The following DLG2 variants were observed in gnomAD, a reference collection of about 807,000 sequenced individuals.
DLG2 encodes disks large homolog 2.
A neutral mutation model predicts 132.5 loss-of-function variants in DLG2; 45 were observed. That is an observed-to-expected ratio of 0.34 (90% CI 0.27 to 0.44). The LOEUF (loss-of-function observed/expected upper bound fraction) is 0.44. DLG2 is among the 20% of genes least tolerant of loss of function. DLG2 has a pLI of 1.00. For missense variants in DLG2, 1,045 were observed against 1,196.9 expected (o/e 0.87, Z 1.87); for synonymous variants, 424 against 419.6 (o/e 1.01, Z -0.13).
intron 16 of DLG2, among the ~76,000 whole-genome samples, chr11:83,851,849 G>T (rs2059833232): frequency 6.6e-6 from 1 of 151,992 alleles, no homozygotes; most frequent in South Asian, 2.1e-4. Context: ...AACCCAGGAG[G>T]CGGAGATTGC....
chr11:85,606,795 C>T (rs1398909997), intron 2 of DLG2, among the ~76,000 whole-genome samples: 5 of 152,002 alleles, frequency 3.3e-5, no homozygotes, highest in Non-Finnish European at 4.4e-5. Context: ...GAATAAATAA[C>T]TCCAGACGCG....
intron 4 of DLG2, among the ~76,000 whole-genome samples, chr11:85,265,381 G>A (rs1303557731): frequency 6.6e-6 from 1 of 152,098 alleles, no homozygotes; most frequent in African/African-American, 2.4e-5. Context: ...TTATATTTAT[G>A]TACAGGCTAA....
At chr11:84,870,325 G>A (rs1009440462) in intron 6 of DLG2, among the ~76,000 whole-genome samples, 2 of 152,060 alleles carry the variant, frequency 1.3e-5, no homozygotes, top group African/African-American at 2.4e-5. Context: ...AGATGTCAGA[G>A]GTTAAATTGA....
chr11:83,794,436 G>GT (rs1566986420), intron 17 of DLG2, among the ~76,000 whole-genome samples: 4 of 90,012 alleles, frequency 4.4e-5, no homozygotes, highest in African/African-American at 2.0e-4. Flanking sequence ...ATTTACTATT[G>GT]GTTTTTTTTT....
intron 6 of DLG2, among the ~76,000 whole-genome samples, chr11:84,862,375 G>A (rs1366313879): frequency 1.3e-5 from 2 of 152,186 alleles, no homozygotes; most frequent in African/African-American, 4.8e-5. Flanking sequence ...GTTGGTGGGA[G>A]TGTAAATTAG....
At chr11:84,784,610 T>C (rs2153924365) in intron 6 of DLG2, among the ~76,000 whole-genome samples, 1 of 152,012 alleles carries the variant, frequency 6.6e-6, no homozygotes, top group Admixed American at 6.6e-5. Flanking sequence ...CTGTAAATAT[T>C]TTAAGAAGAT....
At chr11:84,519,944 G>A (rs1341318704) in intron 7 of DLG2, among the ~76,000 whole-genome samples, 2 of 152,050 alleles carry the variant, frequency 1.3e-5, no homozygotes, top group East Asian at 1.9e-4. Context: ...TTTTATCTAG[G>A]GAAAGGGGTC....
chr11:84,122,716 C>T (rs2093985827), intron 9 of DLG2, among the ~76,000 whole-genome samples: 1 of 152,102 alleles, frequency 6.6e-6, no homozygotes, highest in Admixed American at 6.6e-5. Context: ...GAATGTATTG[C>T]TTAAAATGAG....
intron 3 of DLG2, among the ~76,000 whole-genome samples, chr11:85,525,963 C>T (rs1027077324): frequency 1.3e-5 from 2 of 152,156 alleles, no homozygotes; most frequent in Non-Finnish European, 2.9e-5. Flanking sequence ...CTATCTGAAG[C>T]TGTGAAAAGA....
At chr11:85,182,391 A>T (rs1273067795) in intron 4 of DLG2, among the ~76,000 whole-genome samples, 1 of 151,962 alleles carries the variant, frequency 6.6e-6, no homozygotes, top group Non-Finnish European at 1.5e-5. Flanking sequence ...TGAAATAAGA[A>T]TTATATTCTT....
chr11:85,597,692 A>AT (rs1055219900), intron 3 of DLG2, among the ~76,000 whole-genome samples: 1 of 151,738 alleles, frequency 6.6e-6, no homozygotes, highest in Admixed American at 6.6e-5. Flanking sequence ...ACAGATATTT[A>AT]TAATGAAAAC....
chr11:83,903,101 G>C (rs1221753873), intron 15 of DLG2, among the ~76,000 whole-genome samples: 1 of 152,070 alleles, frequency 6.6e-6, no homozygotes, highest in Non-Finnish European at 1.5e-5. Context: ...TAATACAGAA[G>C]ATGCTCAATA....
At position 85,008,847 on chromosome 11, in the gene DLG2, C is replaced by T. The variant is rs995670186; in HGVS notation, c.357+102814G>A. 6.6e-5 allele frequency among the ~76,000 whole-genome samples: 10 copies of T among 151,802 alleles called. 1 individual carries two copies. Among genetic ancestry groups the T allele is most frequent in the Admixed American group, 6.6e-5 (1 of 15,230 alleles). On this transcript the variant is annotated intron_variant, in intron 6 of 27. Transcript: ENST00000376104. ...AGAACATTTCATATACTGATTGATG[C>T]TATAATGAAATATAAAAAGAAAATA...
At chr11:84,661,282 G>C (rs2099694192) in intron 6 of DLG2, among the ~76,000 whole-genome samples, 1 of 152,068 alleles carries the variant, frequency 6.6e-6, no homozygotes, top group African/African-American at 2.4e-5. Context: ...TAAAAATGAA[G>C]GCTGAAAGCA....
intron 3 of DLG2, among the ~76,000 whole-genome samples, chr11:85,334,731 G>T (rs1407081233): frequency 2.0e-5 from 3 of 151,984 alleles, no homozygotes; most frequent in African/African-American, 7.2e-5. Context: ...TAATTGTATT[G>T]TTTTGAGATA....
rs182887955 is a variant in DLG2 at position 85,403,043 on chromosome 11, G to A, written c.41-117678C>T. ...TGCTGCTATAAAGACACATGTACAC[G>A]TATGTTTATTGTGGCACTATTCACA... On this transcript the variant is annotated intron_variant, in intron 3 of 27. Transcript: ENST00000376104. Among the ~76,000 whole-genome samples the A allele has an allele frequency of 1.4e-3, 206 of 152,162 alleles. 3 individuals are homozygous for A. The highest frequency in any genetic ancestry group is 7.1e-3 in the Admixed American group (108 of 15,260).
intron 10 of DLG2, among the ~76,000 whole-genome samples, chr11:84,079,789 A>G (rs561059916): frequency 2.0e-5 from 3 of 152,076 alleles, no homozygotes; most frequent in African/African-American, 7.2e-5. Context: ...TCTCATGGCC[A>G]CCTCTCCACC....
At chr11:84,951,879 C>G (rs1381002398) in intron 6 of DLG2, among the ~76,000 whole-genome samples, 1 of 152,032 alleles carries the variant, frequency 6.6e-6, no homozygotes, top group Non-Finnish European at 1.5e-5. Context: ...AAAATTCACT[C>G]TTATTCTTAC....
At chr11:84,216,955 C>T (rs1157957147) in intron 8 of DLG2, among the ~76,000 whole-genome samples, 1 of 152,010 alleles carries the variant, frequency 6.6e-6, no homozygotes. Context: ...TACAAAGTGG[C>T]AAGCTCACAT....
Sources: gnomAD v4.1 joint callset for allele counts (sites outside exome capture counted in the v4.1 genomes callset) on GRCh38, gnomAD v4.1.1 for gene constraint, MANE v1.5 for transcripts, NCBI Gene and HGNC (gene_info 2026-07-23, HGNC 2026-07-21) for gene names.